Variants in NME7 observed in about 807,000 individuals in gnomAD.
The protein encoded by NME7 is NME/NM23 family member 7.
A neutral mutation model predicts 49.1 loss-of-function variants in NME7; 41 were observed. That is an observed-to-expected ratio of 0.83 (90% CI 0.65 to 1.08). NME7 has a LOEUF of 1.08. Ranked by LOEUF, NME7 falls within the 50% of genes least tolerant of loss-of-function variation. NME7 has a pLI of 0.00. For missense variants in NME7, 423 were observed against 463.4 expected, an observed-to-expected ratio of 0.91 and a Z score of 0.80; for synonymous variants, 139 against 150.6, an observed-to-expected ratio of 0.92 and a Z score of 0.56.
intron 1 of NME7, among the ~76,000 whole-genome samples, chr1:169,325,666 G>A (rs1173881936): frequency 1.3e-5 from 2 of 152,022 alleles, no homozygotes; most frequent in African/African-American, 4.8e-5. Context: ...CTCTGGTTAG[G>A]GAAAATTTGG....
chr1:169,141,762 T>TA (rs1658603252), intron 11 of NME7, among the ~76,000 whole-genome samples: 1 of 152,156 alleles, frequency 6.6e-6, no homozygotes, highest in Admixed American at 6.5e-5. Context: ...GCCTTTTTTT[T>TA]TATAAGGACA....
At chr1:169,156,287 G>A (rs1159290335) in intron 11 of NME7, among the ~76,000 whole-genome samples, 1 of 151,828 alleles carries the variant, frequency 6.6e-6, no homozygotes. Flanking sequence ...TCCAGCCTGG[G>A]TGACAGAGTG....
rs768240176 is a variant in NME7 at position 169,319,622 on chromosome 1, G to A, written c.278+3495C>T. 3.9e-5 allele frequency among the ~76,000 whole-genome samples: 6 copies of A among 152,286 alleles called. No homozygotes were observed. In the East Asian group the frequency reaches 5.8e-4, roughly 15 times the overall value. ...TGCATACTGTGACTGAGTTCCTGCT[G>A]TGATGGAGCCTCAAATAACTTGGGC... On this transcript the variant is annotated intron_variant, in intron 3 of 11. Coordinates refer to ENST00000367811, the MANE Select transcript of NME7 (RefSeq NM_013330.5).
intron 1 of NME7, among the ~76,000 whole-genome samples, chr1:169,355,302 T>TACA (rs1653418040): frequency 1.9e-5 from 2 of 107,354 alleles, no homozygotes; most frequent in African/African-American, 7.4e-5. Context: ...GTATATTATA[T>TACA]ATAATATATT....
At chr1:169,137,225 A>G (rs938829632) in intron 11 of NME7, among the ~76,000 whole-genome samples, 11 of 152,238 alleles carry the variant, frequency 7.2e-5, no homozygotes, top group Admixed American at 7.2e-4. Context: ...GCACGGGGCC[A>G]CATGCCTAGA....
At chr1:169,234,239 T>G (rs1362598418) in intron 9 of NME7, among the ~76,000 whole-genome samples, 1 of 152,180 alleles carries the variant, frequency 6.6e-6, no homozygotes, top group East Asian at 1.9e-4. Flanking sequence ...TAGGTAGCTA[T>G]GTGTAGGATC....
intron 1 of NME7, among the ~76,000 whole-genome samples, chr1:169,336,387 G>A (rs1652475917): frequency 6.6e-6 from 1 of 152,058 alleles, no homozygotes; most frequent in African/African-American, 2.4e-5. Flanking sequence ...CTCTTATCTG[G>A]CCCCACCCAC....
chr1:169,133,579 T>A (rs976591897), intron 11 of NME7, among the ~76,000 whole-genome samples: 1 of 152,226 alleles, frequency 6.6e-6, no homozygotes, highest in Non-Finnish European at 1.5e-5. Flanking sequence ...AATTGTGTGA[T>A]GCGAAATTAG....
intron 10 of NME7, among the ~76,000 whole-genome samples, chr1:169,199,116 T>C (rs191560432): frequency 3.3e-5 from 5 of 152,232 alleles, no homozygotes; most frequent in Admixed American, 3.3e-4. Flanking sequence ...TTATCACAAA[T>C]AAGGCCACTG....
intron 3 of NME7, among the ~76,000 whole-genome samples, chr1:169,313,088 T>C (rs1474409508): frequency 1.3e-5 from 2 of 151,184 alleles, no homozygotes; most frequent in Admixed American, 6.6e-5. Context: ...TTGGCAACAA[T>C]AGCAAAATTA....
At chr1:169,164,523 AC>A (rs1342595448) in intron 11 of NME7, among the ~76,000 whole-genome samples, 18 of 152,346 alleles carry the variant, frequency 1.2e-4, no homozygotes, top group Admixed American at 3.3e-4. Context: ...GAGGAAACCT[AC>A]GCATAGTGAG....
intron 4 of NME7, among the ~76,000 whole-genome samples, chr1:169,306,237 A>G (rs1398072056): frequency 6.6e-6 from 1 of 152,092 alleles, no homozygotes; most frequent in South Asian, 2.1e-4. Flanking sequence ...GCTTGACCAT[A>G]TTTTCCTGCA....
chr1:169,208,419 C>A (rs1660728576), intron 10 of NME7, among the ~76,000 whole-genome samples: 1 of 152,028 alleles, frequency 6.6e-6, no homozygotes, highest in Non-Finnish European at 1.5e-5. Context: ...ATACTTCAGG[C>A]CAACTTTACT....
intron 10 of NME7, among the ~76,000 whole-genome samples, chr1:169,229,141 A>C (rs1647480516): frequency 6.6e-6 from 1 of 152,232 alleles, no homozygotes; most frequent in Non-Finnish European, 1.5e-5. Flanking sequence ...ATTCAAATTA[A>C]ATAGAATTAC....
intron 10 of NME7, among the ~76,000 whole-genome samples, chr1:169,181,726 T>C (rs1659937533): frequency 2.0e-5 from 3 of 152,162 alleles, no homozygotes; most frequent in African/African-American, 7.2e-5. Flanking sequence ...CACAACACTA[T>C]CTAAACCGCT....
Position 169,180,782 on chromosome 1 carries a change from A to C in NME7, c.991-11228T>G, listed in dbSNP as rs531226767. On this transcript the variant is annotated intron_variant, in intron 10 of 11. Transcript: ENST00000367811. ...TACTATTTCAGTAGGTAATTAATAA[A>C]AATTATTAATGAGCTTTTTTACATT... 2.4e-3 allele frequency among the ~76,000 whole-genome samples: 367 copies of C among 152,344 alleles called. 1 individual carries two copies. Among genetic ancestry groups the C allele is most frequent in the Middle Eastern group, 0.017 (5 of 294 alleles).
At chr1:169,356,394 A>G (rs1041293637) in intron 1 of NME7, among the ~76,000 whole-genome samples, 27 of 152,250 alleles carry the variant, frequency 1.8e-4, no homozygotes, top group African/African-American at 6.5e-4. Context: ...TGGACAAGGA[A>G]GTCCTCTCTG....
At chr1:169,346,751 G>A (rs568361429) in intron 1 of NME7, among the ~76,000 whole-genome samples, 1 of 152,312 alleles carries the variant, frequency 6.6e-6, no homozygotes, top group South Asian at 2.1e-4. Flanking sequence ...AAGGGACTAG[G>A]TATATGCATT....
At chr1:169,300,179 T>G (rs1284107782) in intron 5 of NME7, among the ~76,000 whole-genome samples, 1 of 152,128 alleles carries the variant, frequency 6.6e-6, no homozygotes, top group Admixed American at 6.6e-5. Context: ...TTTAATAAAA[T>G]TTACTGCATG....
Sources: allele counts gnomAD v4.1 joint callset (sites outside exome capture counted in the v4.1 genomes callset), GRCh38; gene constraint gnomAD v4.1.1; transcripts MANE v1.5; gene names NCBI Gene and HGNC (gene_info 2026-07-23, HGNC 2026-07-21).